Variants in FOXP1 observed in about 807,000 individuals in gnomAD.
FOXP1 encodes forkhead box protein P1.
A neutral mutation model predicts 98.2 loss-of-function variants in FOXP1; 15 were observed. That is an observed-to-expected ratio of 0.15 (90% confidence interval 0.10 to 0.24). The LOEUF is 0.24. Ranked by LOEUF, FOXP1 falls within the 10% of genes least tolerant of loss-of-function variation. The pLI, the probability that FOXP1 is intolerant of heterozygous loss-of-function variation, is 1.00. For missense variants in FOXP1, 633 were observed against 848.5 expected, an observed-to-expected ratio of 0.75 and a Z score of 3.15; for synonymous variants, 371 against 314.5, an observed-to-expected ratio of 1.18 and a Z score of -1.90.
At chr3:71,438,722 A>AC (rs2085608057) in intron 3 of FOXP1, among the ~76,000 whole-genome samples, 1 of 148,810 alleles carries the variant, frequency 6.7e-6, no homozygotes, top group Non-Finnish European at 1.5e-5. Context: ...AGATTTAGGG[A>AC]GGTTTCAGTC....
At chr3:71,121,537 T>A (rs1355125845) in intron 6 of FOXP1, among the ~76,000 whole-genome samples, 1 of 151,756 alleles carries the variant, frequency 6.6e-6, no homozygotes, top group Non-Finnish European at 1.5e-5. Context: ...TATAACCACC[T>A]TGCTGAGGCA....
intron 4 of FOXP1, among the ~76,000 whole-genome samples, chr3:71,314,421 G>C (rs1263293686): frequency 6.6e-6 from 1 of 151,870 alleles, no homozygotes; most frequent in Non-Finnish European, 1.5e-5. Flanking sequence ...CCAGCTACTC[G>C]GGAGGCTGAG....
intron 2 of FOXP1, among the ~76,000 whole-genome samples, chr3:71,519,488 T>C (rs922144078): frequency 6.6e-6 from 1 of 152,184 alleles, no homozygotes; most frequent in South Asian, 2.1e-4. Context: ...AACTCTCTGA[T>C]AAGTATATTA....
At chr3:71,402,469 T>C (rs921595533) in intron 3 of FOXP1, among the ~76,000 whole-genome samples, 1 of 152,184 alleles carries the variant, frequency 6.6e-6, no homozygotes, top group African/African-American at 2.4e-5. Flanking sequence ...AATCAAATCA[T>C]AAATGTCTGT....
At chr3:71,398,897 G>A (rs912931651) in intron 3 of FOXP1, among the ~76,000 whole-genome samples, 4 of 152,116 alleles carry the variant, frequency 2.6e-5, no homozygotes, top group Non-Finnish European at 4.4e-5. Context: ...GTTCTAATCC[G>A]CTTTTACTTC....
intron 7 of FOXP1, among the ~76,000 whole-genome samples, chr3:71,106,788 T>C (rs1350331097): frequency 2.6e-5 from 4 of 151,530 alleles, no homozygotes; most frequent in Non-Finnish European, 4.4e-5. Flanking sequence ...TTTTTTTTTT[T>C]TTTGAGCTAG....
At chr3:71,327,044 G>C (rs1201160838) in intron 4 of FOXP1, among the ~76,000 whole-genome samples, 1 of 152,124 alleles carries the variant, frequency 6.6e-6, no homozygotes, top group African/African-American at 2.4e-5. Flanking sequence ...AAAGCTTAAA[G>C]TTGAACTGCA....
chr3:71,113,712 C>CAAAATAAAATAAAAT (rs4055929), intron 6 of FOXP1, among the ~76,000 whole-genome samples: 37,921 of 102,074 alleles, frequency 0.37, 8,630 homozygotes, highest in Non-Finnish European at 0.45. Context: ...GCTTCCATCT[C>CAAAATAAAATAAAAT]AAAATAAAAT....
intron 13 of FOXP1, among the ~76,000 whole-genome samples, chr3:70,988,323 G>A (rs17008109): frequency 0.015 from 2,296 of 152,294 alleles, 62 homozygotes; most frequent in African/African-American, 0.049. Flanking sequence ...CTGGCACCAC[G>A]CAGTCCCATG....
In FOXP1 at chr3:71,581,549, C is replaced by G; in HGVS notation, c.-298G>C. 1.0e-6 allele frequency: 1 copy of G among 985,476 alleles called. No homozygotes were observed. Among genetic ancestry groups the G allele is most frequent in the Non-Finnish European group, 1.2e-6 (1 of 829,966 alleles). 61.0% of individuals were successfully genotyped at this position (985,476 alleles called of 1,614,324 possible). ...CGCGCCCGCGGCCGCCTCGACTTAC[C>G]CGCGGAGTCCGGGGAGGGAGTAGGA... is the stretch of plus-strand genomic sequence containing the variant. On this transcript the variant is annotated splice_region_variant and 5_prime_UTR_variant, in exon 2 of 21. Coordinates refer to ENST00000649528, the MANE Select transcript of FOXP1 (RefSeq NM_001349338.3).
intron 5 of FOXP1, among the ~76,000 whole-genome samples, chr3:71,291,514 C>A (rs2072743126): frequency 6.6e-6 from 1 of 152,116 alleles, no homozygotes; most frequent in South Asian, 2.1e-4. Flanking sequence ...AAGCACAATG[C>A]CTGGCATACA....
chr3:71,100,428 G>A (rs949507453), intron 7 of FOXP1, among the ~76,000 whole-genome samples: 1 of 152,210 alleles, frequency 6.6e-6, no homozygotes, highest in African/African-American at 2.4e-5. Context: ...GCTCTCCCAT[G>A]TGCAGACAAG....
intron 7 of FOXP1, among the ~76,000 whole-genome samples, chr3:71,075,244 AG>A (rs1269444864): frequency 6.6e-6 from 1 of 152,258 alleles, no homozygotes; most frequent in Admixed American, 6.5e-5. Context: ...TCTATAAAAA[AG>A]AACTAATCTT....
At chr3:71,418,507 C>T (rs115019977) in intron 3 of FOXP1, among the ~76,000 whole-genome samples, 2,662 of 152,272 alleles carry the variant, frequency 0.017, 74 homozygotes, top group South Asian at 0.087. Context: ...AAATTTGTTT[C>T]CTATAATAAT....
intron 4 of FOXP1, among the ~76,000 whole-genome samples, chr3:71,318,635 C>T (rs1277690758): frequency 6.6e-6 from 1 of 152,174 alleles, no homozygotes; most frequent in Non-Finnish European, 1.5e-5. Flanking sequence ...TAAACTTTTT[C>T]ACTATTTAGA....
chr3:71,508,824 C>T (rs1560583104), intron 2 of FOXP1, among the ~76,000 whole-genome samples: 1 of 152,200 alleles, frequency 6.6e-6, no homozygotes, highest in African/African-American at 2.4e-5. Flanking sequence ...AATTCCAGCT[C>T]TGACCCTGGC....
chr3:71,020,269 T>G (rs2045233520), intron 11 of FOXP1, among the ~76,000 whole-genome samples: 1 of 152,202 alleles, frequency 6.6e-6, no homozygotes, highest in Non-Finnish European at 1.5e-5. Flanking sequence ...TGACATTAAA[T>G]GATACCAAAT....
intron 13 of FOXP1, among the ~76,000 whole-genome samples, chr3:70,989,791 T>C (rs2040327406): frequency 6.6e-6 from 1 of 152,180 alleles, no homozygotes; most frequent in African/African-American, 2.4e-5. Context: ...TGAATATTAA[T>C]TGTGACTTAA....
At chr3:71,200,881 A>T (rs1180574958) in intron 5 of FOXP1, among the ~76,000 whole-genome samples, 5 of 152,230 alleles carry the variant, frequency 3.3e-5, no homozygotes, top group African/African-American at 4.8e-5. Context: ...AATTAAAAGC[A>T]GAAAAATTCA....
Sources: allele counts gnomAD v4.1 joint callset (sites outside exome capture counted in the v4.1 genomes callset), GRCh38; gene constraint gnomAD v4.1.1; transcripts MANE v1.5; gene names NCBI Gene and HGNC (gene_info 2026-07-23, HGNC 2026-07-21).